The following COLEC10 variants were observed in gnomAD, a reference collection of about 807,000 sequenced individuals.
The protein encoded by COLEC10 is collectin subfamily member 10.
A neutral mutation model predicts 28.4 loss-of-function variants in COLEC10; 22 were observed. That is an observed-to-expected ratio of 0.78 (90% CI 0.55 to 1.11). The LOEUF (loss-of-function observed/expected upper bound fraction) is 1.11. Among genes scored for constraint, COLEC10 ranks in the 50% least tolerant of loss-of-function variants. The pLI is 0.00. For synonymous variants in COLEC10, 125 were observed against 116.1 expected (o/e 1.08, Z -0.49); for missense variants, 361 against 344.1 (o/e 1.05, Z -0.39).
At chr8:119,036,402 C>T (rs1432389008) in intron 2 of COLEC10, among the ~76,000 whole-genome samples, 1 of 152,080 alleles carries the variant, frequency 6.6e-6, no homozygotes, top group African/African-American at 2.4e-5. Flanking sequence ...TATATTTAAC[C>T]AGTGATTTCT....
intron 1 of COLEC10, 72 bp from the exon 2 acceptor site, chr8:119,089,608 C>A (rs776707304): frequency 8.0e-7 from 1 of 1,243,984 alleles, no homozygotes; most frequent in African/African-American, 1.5e-5. Context: ...ACCATGTCCA[C>A]CTTACCCTGG....
chr8:118,980,042 A>G, the COLEC10 span, among the ~76,000 whole-genome samples: 2 of 152,096 alleles, frequency 1.3e-5, no homozygotes, highest in Non-Finnish European at 2.9e-5. Flanking sequence ...CAAAAGCCAC[A>G]GTCTTCTTAC....
At chr8:119,017,817 CAATAAAT>C (rs1284144678) in intron 2 of COLEC10, among the ~76,000 whole-genome samples, 1 of 152,042 alleles carries the variant, frequency 6.6e-6, no homozygotes, top group Non-Finnish European at 1.5e-5. Flanking sequence ...TAGTAGGACT[CAATAAAT>C]AATTATTAAA....
In COLEC10 at chr8:119,075,683, T is replaced by C. The variant is rs73325500; in HGVS notation, c.148+8254T>C. On this transcript the variant is annotated intron_variant, in intron 1 of 5. Coordinates refer to ENST00000332843, the MANE Select transcript of COLEC10 (RefSeq NM_006438.5). ...ACACCTATAAGGATCATCACTCTTA[T>C]TTTAAGGAGAAGGAAACTAAAGCAC... Among the ~76,000 whole-genome samples the C allele has an allele frequency of 6.3e-3, 962 of 152,250 alleles. 10 individuals are homozygous for C. Among genetic ancestry groups the C allele is most frequent in the African/African-American group, 0.022 (905 of 41,540 alleles).
chr8:118,960,897 G>A, the COLEC10 span, among the ~76,000 whole-genome samples: 12 of 151,870 alleles, frequency 7.9e-5, no homozygotes, highest in African/African-American at 2.9e-4. Flanking sequence ...CCTCCACCCT[G>A]CAGAGCTACT....
chr8:119,099,892 C>A (rs1231098142), intron 3 of COLEC10, among the ~76,000 whole-genome samples: 1 of 152,094 alleles, frequency 6.6e-6, no homozygotes, highest in Non-Finnish European at 1.5e-5. Flanking sequence ...TCCTTAAAAG[C>A]CCGTCATTTT....
intron 2 of COLEC10, among the ~76,000 whole-genome samples, chr8:119,031,370 C>T (rs1563722404): frequency 1.3e-5 from 2 of 152,076 alleles, no homozygotes; most frequent in East Asian, 3.9e-4. Flanking sequence ...GTAAAATATT[C>T]ACAATAACAT....
chr8:119,073,025 G>T (rs1031184409), intron 1 of COLEC10, among the ~76,000 whole-genome samples: 1 of 152,170 alleles, frequency 6.6e-6, no homozygotes, highest in Non-Finnish European at 1.5e-5. Flanking sequence ...AGACAGATAT[G>T]CCCAGGAAAG....
chr8:119,061,933 A>G (rs1179010004), intron 2 of COLEC10, among the ~76,000 whole-genome samples: 1 of 152,174 alleles, frequency 6.6e-6, no homozygotes, highest in East Asian at 1.9e-4. Context: ...CTAATAGAAG[A>G]CTTTACATTT....
intron 1 of COLEC10, among the ~76,000 whole-genome samples, chr8:119,005,082 A>G (rs576379620): frequency 1.3e-5 from 2 of 152,096 alleles, no homozygotes; most frequent in Non-Finnish European, 2.9e-5. Context: ...TCATCACATA[A>G]AAAGATCCTT....
chr8:119,035,610 C>T (rs1814376033), intron 2 of COLEC10, among the ~76,000 whole-genome samples: 1 of 152,118 alleles, frequency 6.6e-6, no homozygotes, highest in African/African-American at 2.4e-5. Context: ...TGAGGATTGC[C>T]CCAACTCAGT....
At chr8:119,070,923 A>T (rs1053697604) in intron 1 of COLEC10, among the ~76,000 whole-genome samples, 2 of 152,120 alleles carry the variant, frequency 1.3e-5, no homozygotes, top group African/African-American at 4.8e-5. Flanking sequence ...TTAAACTTAG[A>T]CCTAAGGAAA....
chr8:118,992,050 G>C (rs1434439661), upstream of COLEC10, among the ~76,000 whole-genome samples: 2 of 152,078 alleles, frequency 1.3e-5, no homozygotes, highest in Admixed American at 1.3e-4. Context: ...ACTTACATAA[G>C]AGTGTGATTT....
intron 2 of COLEC10, among the ~76,000 whole-genome samples, chr8:119,024,108 G>A (rs1035473986): frequency 2.6e-5 from 4 of 152,100 alleles, no homozygotes; most frequent in African/African-American, 7.2e-5. Context: ...CAGAAAAAGT[G>A]CCTTAAATTT....
At chr8:119,030,046 G>A (rs767005177) in intron 2 of COLEC10, among the ~76,000 whole-genome samples, 13 of 152,122 alleles carry the variant, frequency 8.5e-5, no homozygotes, top group South Asian at 2.1e-4. Flanking sequence ...CTGTAAAGCC[G>A]AAGTCCCCTG....
At chr8:119,096,026 T>C (rs1040142701) in intron 3 of COLEC10, among the ~76,000 whole-genome samples, 2 of 152,016 alleles carry the variant, frequency 1.3e-5, no homozygotes, top group Non-Finnish European at 2.9e-5. Context: ...AGCTAATCAA[T>C]ATATAGTACT....
At chr8:118,953,114 C>T in the COLEC10 span, among the ~76,000 whole-genome samples, 2 of 152,196 alleles carry the variant, frequency 1.3e-5, no homozygotes, top group African/African-American at 4.8e-5. Context: ...TTCCAAGGGA[C>T]ATCCTTCCAC....
intron 1 of COLEC10, among the ~76,000 whole-genome samples, chr8:119,007,927 G>A (rs1813833937): frequency 6.6e-6 from 1 of 150,654 alleles, no homozygotes; most frequent in Non-Finnish European, 1.5e-5. Context: ...GATATAATGA[G>A]ATAATCTACA....
chr8:119,080,125 A>T (rs767784097), intron 1 of COLEC10, among the ~76,000 whole-genome samples: 5 of 152,142 alleles, frequency 3.3e-5, no homozygotes, highest in Admixed American at 6.6e-5. Context: ...TGTGTCATTG[A>T]TCTTTCCAAA....
Sources: gnomAD v4.1 joint callset for allele counts (sites outside exome capture counted in the v4.1 genomes callset) on GRCh38, gnomAD v4.1.1 for gene constraint, MANE v1.5 for transcripts, NCBI Gene and HGNC (gene_info 2026-07-23, HGNC 2026-07-21) for gene names.